Variants in SLC36A4 observed in about 807,000 individuals in gnomAD.
SLC36A4 encodes neutral amino acid uniporter 4.
In SLC36A4, 49 loss-of-function variants were observed where a neutral mutation model predicts 50.5. The ratio of observed to expected loss-of-function variants is 0.97; its 90% CI spans 0.77 to 1.23. The LOEUF is 1.23. Among genes scored for constraint, SLC36A4 ranks in the 50% most tolerant of loss-of-function variants. The pLI, the probability that SLC36A4 is intolerant of heterozygous loss-of-function variation, is 0.00. For synonymous variants in SLC36A4, 207 were observed against 206.5 expected (o/e 1.00, Z -0.02); for missense variants, 611 against 608.4 (o/e 1.00, Z -0.05).
At chr11:93,150,475 AG>A (rs1229613277) in intron 10 of SLC36A4, among the ~76,000 whole-genome samples, 2 of 152,070 alleles carry the variant, frequency 1.3e-5, no homozygotes, top group Non-Finnish European at 2.9e-5. Context: ...TATAACCAGA[AG>A]TTATTATTTA....
At chr11:93,156,508 C>G (rs1420527748) in intron 9 of SLC36A4, among the ~76,000 whole-genome samples, 1 of 151,628 alleles carries the variant, frequency 6.6e-6, no homozygotes, top group African/African-American at 2.4e-5. Context: ...CAACCTCCAC[C>G]TCCCCAGTTC....
intron 9 of SLC36A4, among the ~76,000 whole-genome samples, chr11:93,157,777 G>T (rs1244186067): frequency 6.6e-6 from 1 of 152,092 alleles, no homozygotes; most frequent in Non-Finnish European, 1.5e-5. Flanking sequence ...GCTTACTATG[G>T]GGTTTTCGAG....
intron 1 of SLC36A4, among the ~76,000 whole-genome samples, chr11:93,193,954 T>A (rs900515849): frequency 6.6e-6 from 1 of 152,176 alleles, no homozygotes; most frequent in Non-Finnish European, 1.5e-5. Flanking sequence ...ATCAGGAAAT[T>A]ACTAAATTAA....
At chr11:93,158,133 G>A (rs1390946215) in intron 9 of SLC36A4, among the ~76,000 whole-genome samples, 1 of 152,142 alleles carries the variant, frequency 6.6e-6, no homozygotes, top group South Asian at 2.1e-4. Context: ...ATTAGCTAAG[G>A]ATGTATTTCT....
chr11:93,176,477 T>C (rs1008408299), intron 6 of SLC36A4, among the ~76,000 whole-genome samples: 114 of 152,140 alleles, frequency 7.5e-4, no homozygotes, highest in African/African-American at 2.6e-3. Flanking sequence ...ATGTGTGAAT[T>C]TGATCCTGTC....
In SLC36A4 at chr11:93,144,393, C is replaced by T. The variant is rs910616781; in HGVS notation, c.*4144G>A. The stretch of plus-strand genomic sequence containing the variant: ...ATTTTCCTATTTGTTATCAAGAAAA[C>T]GCTAATGAAATATTTTTAGTGTTCT... On this transcript the variant is annotated 3_prime_UTR_variant, in exon 11 of 11. Transcript: ENST00000326402. 4 of 151,956 alleles carry T rather than the reference C, an allele frequency of 2.6e-5. No individual in the cohort carries two copies. Among genetic ancestry groups the T allele is most frequent in the South Asian group, 2.1e-4 (1 of 4,824 alleles). The allele number at this position is 151,956 out of a possible 1,614,324, so 9.4% of individuals were successfully genotyped here.
intron 9 of SLC36A4, among the ~76,000 whole-genome samples, chr11:93,162,331 G>A (rs569911989): frequency 4.0e-5 from 6 of 151,664 alleles, no homozygotes; most frequent in African/African-American, 9.7e-5. Flanking sequence ...GTTTTGAGAC[G>A]GAGTTTCGCT....
At chr11:93,176,748 C>G (rs942806608) in intron 6 of SLC36A4, among the ~76,000 whole-genome samples, 41 of 152,142 alleles carry the variant, frequency 2.7e-4, no homozygotes, top group Admixed American at 9.8e-4. Context: ...GTTGAAAATT[C>G]TTTTCTTTCA....
chr11:93,193,684 T>G (rs1268100030), intron 1 of SLC36A4, among the ~76,000 whole-genome samples: 1 of 152,126 alleles, frequency 6.6e-6, no homozygotes, highest in Admixed American at 6.5e-5. Context: ...GCTTGTATGC[T>G]CTCTTATTTG....
chr11:93,185,941 G>A (rs1474081572), intron 1 of SLC36A4, 127 bp from the exon 2 acceptor site: 20 of 729,338 alleles, frequency 2.7e-5, no homozygotes, highest in Non-Finnish European at 4.1e-5. Context: ...TCCTAAGTTA[G>A]TTCATACTAA....
chr11:93,184,591 T>C, intron 2 of SLC36A4, 71 bp from the exon 3 acceptor site: 1 of 903,752 alleles, frequency 1.1e-6, no homozygotes, highest in Non-Finnish European at 1.8e-6. Context: ...ATGGTTTTAG[T>C]ACTAGAAGGG....
At chr11:93,178,127 G>A (rs1367271075) in intron 6 of SLC36A4, among the ~76,000 whole-genome samples, 3 of 152,142 alleles carry the variant, frequency 2.0e-5, no homozygotes, top group Non-Finnish European at 4.4e-5. Context: ...TCAGACTGCT[G>A]TGCTAGTGAG....
intron 9 of SLC36A4, among the ~76,000 whole-genome samples, chr11:93,161,456 T>C (rs1431897850): frequency 6.6e-6 from 1 of 152,200 alleles, no homozygotes; most frequent in African/African-American, 2.4e-5. Context: ...AATTTAAAAA[T>C]ACAGACACAC....
At chr11:93,162,973 G>C in intron 8 of SLC36A4, 98 bp from the exon 9 acceptor site, 1 of 1,081,690 alleles carries the variant, frequency 9.2e-7, no homozygotes, top group Non-Finnish European at 1.3e-6. Flanking sequence ...TAGCCTATAT[G>C]CAAATTTTTT....
Position 93,148,315 on chromosome 11 carries a change from C to G in SLC36A4, c.*222G>C, listed in dbSNP as rs905575725. 5 of 351,246 alleles carry G rather than the reference C, an allele frequency of 1.4e-5. No homozygotes were observed. The highest frequency in any genetic ancestry group is 8.6e-5 in the African/African-American group (4 of 46,456). 21.8% of individuals were successfully genotyped at this position (351,246 alleles called of 1,614,324 possible). A position where few individuals can be genotyped will look rare whatever the true frequency, so the allele number is the denominator to read the frequency against. On this transcript the variant is annotated 3_prime_UTR_variant, in exon 11 of 11. Coordinates refer to ENST00000326402, the MANE Select transcript of SLC36A4 (RefSeq NM_152313.4). The stretch of plus-strand genomic sequence containing the variant: ...TTTACATTTTAATTTTTTCAATTTT[C>G]AGAACTTAATTTTTTGAACTATTGC...
In SLC36A4 at chr11:93,146,937, A is replaced by G. The variant is rs1011288822; in HGVS notation, c.*1600T>C. On this transcript the variant is annotated 3_prime_UTR_variant, in exon 11 of 11. Transcript: ENST00000326402. ...GAAGGGAGTTTATGGATTTTTTCTA[A>G]GCATGAATCCCTTTATGTTATGATT... 6.6e-6 allele frequency: 1 copy of G among 152,042 alleles called. No individual in the cohort carries two copies. Among genetic ancestry groups the G allele is most frequent in the Non-Finnish European group, 1.5e-5 (1 of 67,980 alleles). 9.4% of individuals were successfully genotyped at this position (152,042 alleles called of 1,614,324 possible).
chr11:93,191,334 A>C (rs1317240584), intron 1 of SLC36A4, among the ~76,000 whole-genome samples: 2 of 152,234 alleles, frequency 1.3e-5, no homozygotes, highest in East Asian at 3.8e-4. Context: ...GGGGCATTCC[A>C]GGCTTGAATA....
chr11:93,158,031 G>C (rs949616108), intron 9 of SLC36A4, among the ~76,000 whole-genome samples: 1 of 152,132 alleles, frequency 6.6e-6, no homozygotes, highest in Non-Finnish European at 1.5e-5. Context: ...AGAAATTTAA[G>C]AGCTGAATAA....
chr11:93,196,368 A>G (rs1322078907), intron 1 of SLC36A4, among the ~76,000 whole-genome samples: 2 of 152,076 alleles, frequency 1.3e-5, no homozygotes, highest in African/African-American at 2.4e-5. Flanking sequence ...GTCAAACGAT[A>G]AGCACTTTTT....
Sources: gnomAD v4.1 joint callset for allele counts (sites outside exome capture counted in the v4.1 genomes callset) on GRCh38, gnomAD v4.1.1 for gene constraint, MANE v1.5 for transcripts, NCBI Gene and HGNC (gene_info 2026-07-23, HGNC 2026-07-21) for gene names.